Variants in COL26A1 observed in about 807,000 individuals in gnomAD.
The protein encoded by COL26A1 is collagen type XXVI alpha 1 chain, also known as collagen alpha-1(XXVI) chain.
In COL26A1, 41 loss-of-function variants were observed where a neutral mutation model predicts 59.3. That is an observed-to-expected ratio of 0.69 (90% confidence interval 0.54 to 0.90). COL26A1 has a LOEUF of 0.90. Ranked by LOEUF, COL26A1 falls within the 40% of genes least tolerant of loss-of-function variation. The pLI is 0.00. For synonymous variants in COL26A1, 266 were observed against 256.0 expected, an observed-to-expected ratio of 1.04 and a Z score of -0.37; for missense variants, 612 against 602.3, an observed-to-expected ratio of 1.02 and a Z score of -0.17.
chr7:101,400,633 A>ACT (rs1274693294), intron 1 of COL26A1, among the ~76,000 whole-genome samples: 2 of 151,964 alleles, frequency 1.3e-5, no homozygotes, highest in African/African-American at 4.8e-5. Context: ...GTCTCAGCTC[A>ACT]CTGCAACCTC....
intron 3 of COL26A1, among the ~76,000 whole-genome samples, chr7:101,455,041 CTTTTTT>C (rs56039517): frequency 8.2e-5 from 11 of 134,028 alleles, no homozygotes; most frequent in Middle Eastern, 3.8e-3. Flanking sequence ...TTTTCTTTAT[CTTTTTT>C]TTTTTTTTTT....
intron 3 of COL26A1, among the ~76,000 whole-genome samples, chr7:101,474,548 C>T (rs1558008): frequency 0.56 from 84,512 of 151,860 alleles, 25,615 homozygotes; most frequent in African/African-American, 0.8. Context: ...GCTATGATCC[C>T]GCCACTGCAC....
intron 3 of COL26A1, among the ~76,000 whole-genome samples, chr7:101,490,983 C>CAAAAAAAAA (rs3073351): frequency 1.8e-5 from 2 of 109,070 alleles, no homozygotes; most frequent in African/African-American, 3.6e-5. Context: ...GGCTCTGTCT[C>CAAAAAAAAA]AAAAAAAAAA....
chr7:101,387,773 TATATA>T (rs1562958340), intron 1 of COL26A1, among the ~76,000 whole-genome samples: 1 of 54,146 alleles, frequency 1.8e-5, no homozygotes, highest in African/African-American at 5.4e-5. Flanking sequence ...TATATATATA[TATATA>T]TTTTTTTTTA....
chr7:101,477,071 T>C (rs932090866), intron 3 of COL26A1, among the ~76,000 whole-genome samples: 1 of 152,024 alleles, frequency 6.6e-6, no homozygotes, highest in Admixed American at 6.6e-5. Context: ...CTTGAACTCC[T>C]GACCTCAGGT....
intron 1 of COL26A1, among the ~76,000 whole-genome samples, chr7:101,414,866 A>G (rs1792336047): frequency 6.6e-6 from 1 of 152,168 alleles, no homozygotes. Flanking sequence ...GCAGAGGTGG[A>G]ATTCACAGTT....
chr7:101,532,819 C>T (rs1362830338), intron 3 of COL26A1, among the ~76,000 whole-genome samples: 2 of 152,178 alleles, frequency 1.3e-5, no homozygotes, highest in Non-Finnish European at 2.9e-5. Flanking sequence ...ATTGTGCTCA[C>T]CAGCTCATGG....
At chr7:101,408,775 C>T (rs1451009823) in intron 1 of COL26A1, among the ~76,000 whole-genome samples, 1 of 152,174 alleles carries the variant, frequency 6.6e-6, no homozygotes, top group African/African-American at 2.4e-5. Context: ...AGACTTGGCT[C>T]CTTGCTGCGG....
chr7:101,465,707 A>AG (rs1375031580), intron 3 of COL26A1, among the ~76,000 whole-genome samples: 3 of 138,094 alleles, frequency 2.2e-5, no homozygotes, highest in Non-Finnish European at 3.2e-5. Flanking sequence ...AAAAAAAAAA[A>AG]AAAAAGAAAA....
At chr7:101,442,555 T>A (rs1334082803) in intron 2 of COL26A1, among the ~76,000 whole-genome samples, 1 of 152,164 alleles carries the variant, frequency 6.6e-6, no homozygotes, top group Non-Finnish European at 1.5e-5. Flanking sequence ...TAGAGCCTGG[T>A]TGGAAAGCCA....
intron 3 of COL26A1, among the ~76,000 whole-genome samples, chr7:101,466,325 T>C (rs1045498625): frequency 1.2e-4 from 19 of 152,080 alleles, no homozygotes; most frequent in African/African-American, 4.1e-4. Context: ...GCACAATTGG[T>C]GGTACAGAGT....
At chr7:101,454,268 C>CTTTTTTTTTTT (rs58969139) in intron 3 of COL26A1, among the ~76,000 whole-genome samples, 10 of 137,348 alleles carry the variant, frequency 7.3e-5, no homozygotes, top group South Asian at 2.3e-4. Context: ...TCTTTTCTTT[C>CTTTTTTTTTTT]TTTTTTTTTT....
intron 3 of COL26A1, among the ~76,000 whole-genome samples, chr7:101,473,010 C>CT (rs968073531): frequency 2.0e-5 from 3 of 150,902 alleles, no homozygotes; most frequent in African/African-American, 4.8e-5. Flanking sequence ...GAGTTTTCTT[C>CT]TTTTTTTCTC....
intron 3 of COL26A1, among the ~76,000 whole-genome samples, chr7:101,516,720 C>T (rs1336506373): frequency 6.6e-6 from 1 of 152,098 alleles, no homozygotes; most frequent in East Asian, 1.9e-4. Context: ...TTCAGAGAGC[C>T]GAAAAACTTT....
chr7:101,380,357 G>T (rs867462534), intron 1 of COL26A1, among the ~76,000 whole-genome samples: 1 of 147,534 alleles, frequency 6.8e-6, no homozygotes, highest in African/African-American at 2.5e-5. Context: ...GTGCAGTGGC[G>T]CTATCTTGGC....
intron 1 of COL26A1, among the ~76,000 whole-genome samples, chr7:101,417,621 CA>C (rs1792404441): frequency 2.6e-5 from 1 of 38,362 alleles, no homozygotes; most frequent in Non-Finnish European, 1.2e-4. Context: ...TATATCTAGA[CA>C]TAGATATAGA....
chr7:101,404,246 T>C (rs973854143), intron 1 of COL26A1, among the ~76,000 whole-genome samples: 1 of 152,192 alleles, frequency 6.6e-6, no homozygotes, highest in African/African-American at 2.4e-5. Context: ...TAGCCAACTC[T>C]GCAGCCACTC....
intron 3 of COL26A1, among the ~76,000 whole-genome samples, chr7:101,448,736 C>A (rs1479266716): frequency 6.6e-6 from 1 of 152,156 alleles, no homozygotes; most frequent in Non-Finnish European, 1.5e-5. Flanking sequence ...AAGCGATCCT[C>A]CCACCTTAGC....
At chr7:101,556,298 C>G (rs964002316) in intron 12 of COL26A1, among the ~76,000 whole-genome samples, 3 of 152,218 alleles carry the variant, frequency 2.0e-5, no homozygotes, top group Non-Finnish European at 4.4e-5. Context: ...TTTCTGTGAC[C>G]CTCTGGGAGT....
Sources: gnomAD v4.1 joint callset for allele counts (sites outside exome capture counted in the v4.1 genomes callset) on GRCh38, gnomAD v4.1.1 for gene constraint, MANE v1.5 for transcripts, NCBI Gene and HGNC (gene_info 2026-07-23, HGNC 2026-07-21) for gene names.